Variants in PLA2G4A observed in about 807,000 individuals in gnomAD.
PLA2G4A encodes the protein phospholipase A2 group IVA.
Under a neutral mutation model 81.9 loss-of-function variants are expected in PLA2G4A, and 40 were observed. That is an observed-to-expected ratio of 0.49 (90% CI 0.38 to 0.64). The LOEUF (loss-of-function observed/expected upper bound fraction) is 0.64, where lower values mean the gene tolerates loss of function less well. Among genes scored for constraint, PLA2G4A ranks in the 30% least tolerant of loss-of-function variants. PLA2G4A has a pLI of 0.00. For missense variants in PLA2G4A, 715 were observed against 905.1 expected (o/e 0.79, Z 2.69); for synonymous variants, 302 against 296.9 (o/e 1.02, Z -0.18).
intron 7 of PLA2G4A, among the ~76,000 whole-genome samples, chr1:186,914,981 C>CT (rs1655089368): frequency 6.6e-6 from 1 of 152,108 alleles, no homozygotes; most frequent in African/African-American, 2.4e-5. Context: ...AGCGATGAAG[C>CT]TTTTTATCAT....
chr1:186,864,542 T>G (rs2102047733), intron 2 of PLA2G4A, among the ~76,000 whole-genome samples: 1 of 152,132 alleles, frequency 6.6e-6, no homozygotes, highest in South Asian at 2.1e-4. Flanking sequence ...TGCATTTCCC[T>G]GAGGATAAGT....
chr1:186,948,811 A>G (rs772080287), intron 12 of PLA2G4A, among the ~76,000 whole-genome samples: 2 of 152,108 alleles, frequency 1.3e-5, no homozygotes, highest in African/African-American at 2.4e-5. Flanking sequence ...GAGGGGGAAT[A>G]TCGTGTATGT....
chr1:186,979,614 A>T (rs1657651006), intron 17 of PLA2G4A, 142 bp downstream of exon 17: 1 of 647,412 alleles, frequency 1.5e-6, no homozygotes, highest in Non-Finnish European at 2.7e-6. Flanking sequence ...TTTTCATGAA[A>T]TATTTTGCTA....
At chr1:186,931,628 C>T (rs2102201292) in intron 7 of PLA2G4A, among the ~76,000 whole-genome samples, 1 of 151,920 alleles carries the variant, frequency 6.6e-6, no homozygotes, top group Non-Finnish European at 1.5e-5. Flanking sequence ...AAGTTCTTAT[C>T]TGGCTTCCTT....
At chr1:186,901,893 T>C (rs67334743) in intron 5 of PLA2G4A, among the ~76,000 whole-genome samples, 28,203 of 152,080 alleles carry the variant, frequency 0.19, 4,649 homozygotes, top group African/African-American at 0.44. Flanking sequence ...ATGGATTAGA[T>C]GATTCATGGT....
intron 3 of PLA2G4A, among the ~76,000 whole-genome samples, chr1:186,878,072 T>C (rs1653572132): frequency 6.8e-6 from 1 of 147,738 alleles, no homozygotes; most frequent in Non-Finnish European, 1.5e-5. Flanking sequence ...ATACTTTGGC[T>C]AAAGTATATA....
At chr1:186,890,391 CT>C (rs2102104733) in intron 3 of PLA2G4A, among the ~76,000 whole-genome samples, 1 of 151,966 alleles carries the variant, frequency 6.6e-6, no homozygotes, top group East Asian at 1.9e-4. Flanking sequence ...CGGTGGAATC[CT>C]AAAAAAGGAG....
At chr1:186,890,162 T>G (rs1483660862) in intron 3 of PLA2G4A, among the ~76,000 whole-genome samples, 1 of 152,192 alleles carries the variant, frequency 6.6e-6, no homozygotes, top group Admixed American at 6.5e-5. Context: ...AATGGCCGCA[T>G]GGAAAAGCAC....
chr1:186,920,511 G>C (rs932153695), intron 7 of PLA2G4A, among the ~76,000 whole-genome samples: 7 of 152,198 alleles, frequency 4.6e-5, no homozygotes, highest in African/African-American at 1.7e-4. Context: ...CCTTGGGGGC[G>C]CTTGAGCCCG....
chr1:186,928,981 C>G (rs1286896020), intron 7 of PLA2G4A, among the ~76,000 whole-genome samples: 1 of 152,210 alleles, frequency 6.6e-6, no homozygotes, highest in African/African-American at 2.4e-5. Context: ...AACCTTATAA[C>G]TTTCGTGTTA....
At chr1:186,849,746 T>C (rs1159135404) in intron 1 of PLA2G4A, among the ~76,000 whole-genome samples, 1 of 152,124 alleles carries the variant, frequency 6.6e-6, no homozygotes, top group Non-Finnish European at 1.5e-5. Flanking sequence ...TATTTCCAAT[T>C]GTTTCTTTTA....
At chr1:186,946,827 C>T (rs761909095) in intron 11 of PLA2G4A, 42 bp from the exon 12 acceptor site, 2 of 1,592,550 alleles carry the variant, frequency 1.3e-6, no homozygotes, top group Non-Finnish European at 1.7e-6. Flanking sequence ...ATTTTGAAAC[C>T]TGGGATATTT....
chr1:186,864,056 C>T (rs913915936), intron 2 of PLA2G4A, among the ~76,000 whole-genome samples: 3 of 152,068 alleles, frequency 2.0e-5, no homozygotes, highest in Non-Finnish European at 2.9e-5. Context: ...TGAGCCACCA[C>T]TCCTGACCGC....
At chr1:186,833,221 A>G (rs1651660473) in intron 1 of PLA2G4A, among the ~76,000 whole-genome samples, 1 of 152,112 alleles carries the variant, frequency 6.6e-6, no homozygotes, top group African/African-American at 2.4e-5. Flanking sequence ...AGATTAATTA[A>G]AATCTTATTA....
chr1:186,984,725 C>T (rs755371546), intron 17 of PLA2G4A, among the ~76,000 whole-genome samples: 23 of 152,068 alleles, frequency 1.5e-4, no homozygotes, highest in Non-Finnish European at 2.9e-4. Context: ...TTTAATGCTG[C>T]CTATGATCTC....
chr1:186,895,551 C>T (rs1558411510), intron 5 of PLA2G4A, among the ~76,000 whole-genome samples: 1 of 152,180 alleles, frequency 6.6e-6, no homozygotes, highest in Non-Finnish European at 1.5e-5. Flanking sequence ...GGAAGTTCTT[C>T]CCTCAATTAT....
At chr1:186,986,028 G>A (rs1049317486) in intron 17 of PLA2G4A, among the ~76,000 whole-genome samples, 2 of 151,628 alleles carry the variant, frequency 1.3e-5, no homozygotes, top group Non-Finnish European at 2.9e-5. Flanking sequence ...CCCAAGAACA[G>A]GGTATTTTCC....
At position 186,844,052 on chromosome 1, in the gene PLA2G4A, A is replaced by T. The variant is rs150980797; in HGVS notation, c.-69-10234A>T. 3.6e-3 allele frequency among the ~76,000 whole-genome samples: 542 copies of T among 152,348 alleles called. 4 individuals carry two copies. The highest frequency in any genetic ancestry group is 0.012 in the African/African-American group (507 of 41,588). On this transcript the variant is annotated intron_variant, in intron 1 of 17. Coordinates refer to ENST00000367466, the MANE Select transcript of PLA2G4A (RefSeq NM_024420.3). ...TATCAGCCATATGGCACCACCTGTTACTACTGTGGGACTTAGTGGCAAGTT... is the reference window on the plus strand; with the variant it reads ...TATCAGCCATATGGCACCACCTGTTTCTACTGTGGGACTTAGTGGCAAGTT...
chr1:186,834,312 A>C (rs1651701250), intron 1 of PLA2G4A, among the ~76,000 whole-genome samples: 1 of 152,162 alleles, frequency 6.6e-6, no homozygotes, highest in South Asian at 2.1e-4. Flanking sequence ...AAACTGTGTA[A>C]GTTAGCAGTA....
Sources: allele counts gnomAD v4.1 joint callset (sites outside exome capture counted in the v4.1 genomes callset), GRCh38; gene constraint gnomAD v4.1.1; transcripts MANE v1.5; gene names NCBI Gene and HGNC (gene_info 2026-07-23, HGNC 2026-07-21).